The following DIS3L variants were observed in gnomAD, a reference collection of about 807,000 sequenced individuals.
The protein encoded by DIS3L is DIS3 like exosome 3'-5' exoribonuclease, also known as DIS3-like exonuclease 1.
A neutral mutation model predicts 120.3 loss-of-function variants in DIS3L; 100 were observed. The ratio of observed to expected loss-of-function variants is 0.83; its 90% CI spans 0.71 to 0.98. The LOEUF (loss-of-function observed/expected upper bound fraction) is 0.98, where lower values mean the gene tolerates loss of function less well. Among genes scored for constraint, DIS3L ranks in the 50% least tolerant of loss-of-function variants. The probability of loss-of-function intolerance (pLI) is 0.00; values close to 1 mark genes in which losing one functional copy is unlikely to be tolerated. For missense variants in DIS3L, 1,196 were observed against 1,314.2 expected, an observed-to-expected ratio of 0.91 and a Z score of 1.39; for synonymous variants, 426 against 470.6, an observed-to-expected ratio of 0.91 and a Z score of 1.23.
chr15:66,293,736 G>A lies in DIS3L; in HGVS notation c.139+1G>A. The A allele has an allele frequency of 2.4e-6, 3 of 1,266,898 alleles. No homozygotes were observed. Among genetic ancestry groups the A allele is most frequent in the African/African-American group, 1.6e-5 (1 of 64,056 alleles). The allele number at this position is 1,266,898 out of a possible 1,614,324, so 78.5% of individuals were successfully genotyped here. A position where few individuals can be genotyped will look rare whatever the true frequency, so the allele number is the denominator to read the frequency against. ...CCGCAGCCCGCCGCCTGCAGCCACGGTCAGGGCCGGGGCGGGGGCGGGGAC... is the reference window on the plus strand; with the variant it reads ...CCGCAGCCCGCCGCCTGCAGCCACGATCAGGGCCGGGGCGGGGGCGGGGAC... On this transcript the variant is annotated splice_donor_variant, in intron 1 of 16. Coordinates refer to ENST00000319212, the MANE Select transcript of DIS3L (RefSeq NM_001143688.3). LOFTEE classifies it high-confidence loss of function.
At chr15:66,313,887 G>GTTTA in intron 5 of DIS3L, 152 bp from the exon 6 acceptor site, 1 of 429,336 alleles carries the variant, frequency 2.3e-6, no homozygotes, top group Non-Finnish European at 4.2e-6. Context: ...ATATGTGTGT[G>GTTTA]TATATATATA....
At chr15:66,295,304 T>A (rs2092574737) in intron 2 of DIS3L, among the ~76,000 whole-genome samples, 163 bp downstream of exon 2, 1 of 152,196 alleles carries the variant, frequency 6.6e-6, no homozygotes, top group African/African-American at 2.4e-5. Flanking sequence ...GTAACATTAT[T>A]TTATATTTCT....
chr15:66,301,150 C>A (rs532202614), intron 2 of DIS3L, among the ~76,000 whole-genome samples: 15 of 152,074 alleles, frequency 9.9e-5, no homozygotes, highest in Non-Finnish European at 2.1e-4. Context: ...AAAAAATCAA[C>A]CTAAAGAAGG....
chr15:66,321,935 G>A (rs1245944439), intron 9 of DIS3L, among the ~76,000 whole-genome samples: 2 of 151,944 alleles, frequency 1.3e-5, no homozygotes, highest in African/African-American at 2.4e-5. Flanking sequence ...CAGAAAAATT[G>A]GACCCATTTG....
intron 5 of DIS3L, 100 bp from the exon 6 acceptor site, chr15:66,313,939 A>C: frequency 1.2e-6 from 1 of 842,776 alleles, no homozygotes; most frequent in Non-Finnish European, 1.8e-6. Context: ...AAAGAATATT[A>C]TGGGGATGTT....
intron 5 of DIS3L, 49 bp from the exon 6 acceptor site, chr15:66,313,990 A>G: frequency 2.7e-6 from 4 of 1,486,062 alleles, no homozygotes; most frequent in Non-Finnish European, 3.6e-6. Context: ...GAGATAAACC[A>G]GGCGGAAAAG....
rs1222096829 is a variant in DIS3L at position 66,295,157 on chromosome 15, TC to T, written c.293+17del. ...GAGGCAGGAGGTATACGTTTTGCAT[TC>T]TTTATTTCTATATGGCATAGGTTCC... On this transcript the variant is annotated intron_variant, in intron 2 of 16. Transcript: ENST00000319212. 6 of 1,609,368 alleles carry T rather than the reference TC, an allele frequency of 3.7e-6. No individual in the cohort carries two copies. In the East Asian group the frequency reaches 1.3e-4, roughly 36 times the overall value.
chr15:66,313,622 T>A (rs181290520), intron 5 of DIS3L, among the ~76,000 whole-genome samples: 36 of 151,790 alleles, frequency 2.4e-4, no homozygotes, highest in African/African-American at 8.5e-4. Flanking sequence ...CCCAGCTACT[T>A]GGGAGGCTGA....
intron 2 of DIS3L, among the ~76,000 whole-genome samples, chr15:66,304,105 A>G (rs534455707): frequency 6.7e-6 from 1 of 149,086 alleles, no homozygotes; most frequent in East Asian, 2.0e-4. Context: ...AAAAAAAAAA[A>G]AAAAAAACAA....
chr15:66,306,848 G>C lies in DIS3L; in HGVS notation c.318G>C (p.Leu106=). Reference sequence around the variant, plus strand: ...GACAGTATAACAAACTGCGAAACCTGCTGAAGGATGCGCGTCATGATTGCA... The same window carrying C: ...GACAGTATAACAAACTGCGAAACCTCCTGAAGGATGCGCGTCATGATTGCA... ...GRRQYNKLRN[L]LKDARHDCIL... Residue 106 remains leucine, a synonymous_variant, in exon 3 of 17, where the codon CTG becomes CTC. Transcript: ENST00000319212. 1 of 1,614,144 alleles carries C rather than the reference G, an allele frequency of 6.2e-7. No individual in the cohort carries two copies. The highest frequency in any genetic ancestry group is 8.5e-7 in the Non-Finnish European group (1 of 1,180,020).
rs903185512 is a variant in DIS3L, at chr15:66,332,759, A to G, written c.2705A>G (p.Tyr902Cys). 1 of 1,613,008 alleles carries G rather than the reference A, an allele frequency of 6.2e-7. No homozygotes were observed. The highest frequency in any genetic ancestry group is 8.5e-7 in the Non-Finnish European group (1 of 1,179,628). Residue 902 changes from tyrosine (Y) to cysteine (C), a missense_variant, in exon 16 of 17, where the codon TAT (tyrosine) becomes TGT (cysteine). By Grantham distance (194) the Tyr-to-Cys change is radical. Transcript: ENST00000319212. ...IPRFGIKGAA[Y>C]LKNKDGLVIS... is the part of the protein sequence containing the mutation. ...AGGTTTGGGATTAAAGGTGCTGCTT[A>G]TCTAAAAAATAAAGATGGTTTAGTC...
At chr15:66,310,258 G>A (rs760687848) in intron 4 of DIS3L, among the ~76,000 whole-genome samples, 3 of 152,240 alleles carry the variant, frequency 2.0e-5, no homozygotes, top group Non-Finnish European at 4.4e-5. Flanking sequence ...GCATGCCAGA[G>A]AATTCCAGGG....
intron 2 of DIS3L, among the ~76,000 whole-genome samples, chr15:66,302,822 T>C (rs2092663001): frequency 6.6e-6 from 1 of 152,238 alleles, no homozygotes; most frequent in Non-Finnish European, 1.5e-5. Context: ...TAAATTGTGG[T>C]AAAATGTACA....
chr15:66,327,243 G>T (rs1202131183), intron 12 of DIS3L, among the ~76,000 whole-genome samples: 2 of 151,990 alleles, frequency 1.3e-5, no homozygotes, highest in Non-Finnish European at 2.9e-5. Context: ...ACCATAATTT[G>T]TAATACAGAA....
chr15:66,327,922 G>A (rs1478013206), intron 12 of DIS3L, among the ~76,000 whole-genome samples: 2 of 151,930 alleles, frequency 1.3e-5, no homozygotes, highest in African/African-American at 4.8e-5. Flanking sequence ...CAGGCATGGC[G>A]CACTCTTGTA....
Position 66,332,752 on chromosome 15 carries a change from G to T in DIS3L, c.2698G>T (p.Ala900Ser). ...ATAATATAGGTTTGGGATTAAAGGT[G>T]CTGCTTATCTAAAAAATAAAGATGG... is the stretch of plus-strand genomic sequence containing the variant. ...LFIPRFGIKG[A>S]AYLKNKDGLV... Residue 900 changes from alanine (A) to serine (S), a missense_variant, in exon 16 of 17, where the codon GCT becomes TCT. Physicochemically the swap from Ala to Ser is moderately conservative, Grantham distance 99. Coordinates refer to ENST00000319212, the MANE Select transcript of DIS3L (RefSeq NM_001143688.3). 6.2e-7 allele frequency: 1 copy of T among 1,612,740 alleles called. No homozygotes were observed. Among genetic ancestry groups the T allele is most frequent in the Non-Finnish European group, 8.5e-7 (1 of 1,179,480 alleles).
In DIS3L at chr15:66,309,094, A is replaced by AAAAAAAAAAAAAAAAAAATATATAT; in HGVS notation, c.558+251_558+252insAAAAAAAAAAAAAAAAATATATATA. 6.5e-4 allele frequency among the ~76,000 whole-genome samples: 10 copies of AAAAAAAAAAAAAAAAAAATATATAT among 15,314 alleles called. 1 individual carries two copies. Among genetic ancestry groups the AAAAAAAAAAAAAAAAAAATATATAT allele is most frequent in the Admixed American group, 4.8e-3 (3 of 620 alleles). The allele number at this position is 15,314 out of a possible 152,430, so 10.0% of individuals were successfully genotyped here. On this transcript the variant is annotated intron_variant, in intron 4 of 16. Coordinates refer to ENST00000319212, the MANE Select transcript of DIS3L (RefSeq NM_001143688.3). Reference sequence around the variant, plus strand: ...CTTGTCTCTACAGAAAAAAAAAAAAAATATATATATCTCCAAGCATGGTGG... The same window carrying AAAAAAAAAAAAAAAAAAATATATAT: ...CTTGTCTCTACAGAAAAAAAAAAAAAAAAAAAAAAAAAAAAAAATATATATATATATATATCTCCAAGCATGGTGG...
At chr15:66,323,171 T>C (rs1331612530) in intron 10 of DIS3L, among the ~76,000 whole-genome samples, 1 of 152,214 alleles carries the variant, frequency 6.6e-6, no homozygotes, top group African/African-American at 2.4e-5. Flanking sequence ...TCGAAATGGG[T>C]TAAATTTTCA....
chr15:66,318,467 T>C lies in DIS3L; in HGVS notation c.1013T>C (p.Leu338Pro). 6.2e-7 allele frequency: 1 copy of C among 1,614,040 alleles called. No individual in the cohort carries two copies. Among genetic ancestry groups the C allele is most frequent in the Non-Finnish European group, 8.5e-7 (1 of 1,179,998 alleles). Residue 338 changes from leucine to proline, a missense_variant, in exon 8 of 17, where the codon CTT becomes CCT. Transcript: ENST00000319212. The stretch of plus-strand genomic sequence containing the variant: ...GCCAAAGGTCGAGTGGTGGGCATAC[T>C]TCAGAAGAACTGGCGGGATTATGTG... ...PMPTGRVVGILQKNWRDYVVT... is the reference protein window; with the variant it reads ...PMPTGRVVGIPQKNWRDYVVT...
Sources: gnomAD v4.1 joint callset for allele counts (sites outside exome capture counted in the v4.1 genomes callset) on GRCh38, gnomAD v4.1.1 for gene constraint, MANE v1.5 for transcripts, NCBI Gene and HGNC (gene_info 2026-07-23, HGNC 2026-07-21) for gene names.